BMAL2: variants seen among roughly 807,000 people sequenced by gnomAD.
BMAL2 encodes the protein basic helix-loop-helix ARNT like 2.
the BMAL2 span, chr12:27,380,352 G>A: frequency 6.2e-7 from 1 of 1,614,162 alleles, no homozygotes; most frequent in East Asian, 2.2e-5. Context: ...CGCGTAAACT[G>A]GACAAACTTA....
chr12:27,387,786 C>T, the BMAL2 span, among the ~76,000 whole-genome samples: 1 of 152,176 alleles, frequency 6.6e-6, no homozygotes, highest in Non-Finnish European at 1.5e-5. Context: ...ACTTCACCTC[C>T]TTATTACTGA....
chr12:27,397,422 T>C, the BMAL2 span, among the ~76,000 whole-genome samples: 2 of 152,230 alleles, frequency 1.3e-5, no homozygotes, highest in African/African-American at 4.8e-5. Flanking sequence ...CTGTGGTTAG[T>C]AAAGGTGTTT....
the BMAL2 span, among the ~76,000 whole-genome samples, chr12:27,356,789 C>G: frequency 2.0e-5 from 3 of 152,008 alleles, no homozygotes; most frequent in African/African-American, 7.3e-5. Context: ...TTTGGGGGAA[C>G]AGGTGGTGTT....
the BMAL2 span, among the ~76,000 whole-genome samples, chr12:27,405,046 G>T: frequency 2.0e-5 from 3 of 152,190 alleles, no homozygotes; most frequent in East Asian, 5.8e-4. Flanking sequence ...CAGCGAGGCT[G>T]GGGGAGGGGT....
At chr12:27,401,582 C>T in the BMAL2 span, 2 of 1,609,962 alleles carry the variant, frequency 1.2e-6, no homozygotes, top group Non-Finnish European at 1.7e-6. Context: ...CAAAAGATGG[C>T]TCTTTTGTAA....
At chr12:27,368,114 A>T in the BMAL2 span, 1 of 907,814 alleles carries the variant, frequency 1.1e-6, no homozygotes, top group Non-Finnish European at 1.6e-6. Flanking sequence ...AAGTGCTGGG[A>T]TTACAGGCAT....
chr12:27,386,671 C>G, the BMAL2 span, among the ~76,000 whole-genome samples: 1 of 152,152 alleles, frequency 6.6e-6, no homozygotes, highest in African/African-American at 2.4e-5. Context: ...GCTCTGTTGC[C>G]TAGGCTGGAA....
At chr12:27,346,298 TCACC>T in the BMAL2 span, among the ~76,000 whole-genome samples, 1 of 152,196 alleles carries the variant, frequency 6.6e-6, no homozygotes, top group East Asian at 1.9e-4. Context: ...TCTCACTCTG[TCACC>T]CAGGCTGGAG....
the BMAL2 span, among the ~76,000 whole-genome samples, chr12:27,383,810 A>G: frequency 6.6e-6 from 1 of 152,202 alleles, no homozygotes; most frequent in Admixed American, 6.5e-5. Flanking sequence ...GGATGAAGAT[A>G]GATTCCAACA....
chr12:27,382,194 CTG>C, the BMAL2 span, among the ~76,000 whole-genome samples: 52 of 152,296 alleles, frequency 3.4e-4, 1 homozygote, highest in Non-Finnish European at 6.9e-4. Context: ...ACAGGCTCAA[CTG>C]AGGTCATTTG....
the BMAL2 span, chr12:27,401,755 A>G: frequency 9.6e-7 from 1 of 1,043,522 alleles, no homozygotes; most frequent in Non-Finnish European, 1.3e-6. Flanking sequence ...TTGCTAAACC[A>G]TTAAAACTGT....
chr12:27,420,376 G>T, the BMAL2 span: 1 of 1,613,458 alleles, frequency 6.2e-7, no homozygotes, highest in African/African-American at 1.3e-5. Context: ...ACTTACACAG[G>T]CCTGTATTTT....
the BMAL2 span, among the ~76,000 whole-genome samples, chr12:27,409,901 A>G: frequency 6.6e-6 from 1 of 152,188 alleles, no homozygotes; most frequent in Non-Finnish European, 1.5e-5. Context: ...TTTACAAGAA[A>G]AAAACAAACA....
At chr12:27,388,466 G>A in the BMAL2 span, among the ~76,000 whole-genome samples, 3 of 152,098 alleles carry the variant, frequency 2.0e-5, no homozygotes. Context: ...CAGAAGAGGG[G>A]TGGCCACTGT....
chr12:27,378,584 G>C, the BMAL2 span, among the ~76,000 whole-genome samples: 2 of 152,188 alleles, frequency 1.3e-5, no homozygotes, highest in Non-Finnish European at 2.9e-5. Context: ...GTCTTGAAGA[G>C]AGAAACTGGA....
At chr12:27,349,060 G>C in the BMAL2 span, among the ~76,000 whole-genome samples, 4 of 152,204 alleles carry the variant, frequency 2.6e-5, no homozygotes, top group African/African-American at 9.6e-5. Flanking sequence ...CCTGCTTTGA[G>C]AACAGGGAAT....
At chr12:27,338,863 T>C in the BMAL2 span, among the ~76,000 whole-genome samples, 7 of 152,348 alleles carry the variant, frequency 4.6e-5, no homozygotes, top group South Asian at 1.2e-3. Context: ...TCCTGCCAGA[T>C]GGTTGTCTCT....
the BMAL2 span, among the ~76,000 whole-genome samples, chr12:27,408,156 C>T: frequency 5.3e-5 from 8 of 152,194 alleles, no homozygotes; most frequent in African/African-American, 1.7e-4. Context: ...CCGAATTCTA[C>T]CAGAGGTACA....
the BMAL2 span, among the ~76,000 whole-genome samples, chr12:27,335,321 G>A: frequency 1.3e-5 from 2 of 152,112 alleles, no homozygotes; most frequent in Non-Finnish European, 2.9e-5. Context: ...CAAGTGACTG[G>A]GTGTCCTCCT....
Sources: allele counts gnomAD v4.1 joint callset (sites outside exome capture counted in the v4.1 genomes callset), GRCh38; gene constraint gnomAD v4.1.1; transcripts MANE v1.5; gene names NCBI Gene and HGNC (gene_info 2026-07-23, HGNC 2026-07-21).